CAPN13: variants seen among roughly 807,000 people sequenced by gnomAD.
The protein encoded by CAPN13 is calpain 13, also known as calpain-13.
Under a neutral mutation model 98.4 loss-of-function variants are expected in CAPN13, and 90 were observed. The ratio of observed to expected loss-of-function variants is 0.92; its 90% CI spans 0.77 to 1.09. The LOEUF (loss-of-function observed/expected upper bound fraction) is 1.09. Among genes scored for constraint, CAPN13 ranks in the 50% least tolerant of loss-of-function variants. CAPN13 has a pLI of 0.00. For missense variants in CAPN13, 887 were observed against 841.3 expected (o/e 1.05, Z -0.67); for synonymous variants, 330 against 305.5 (o/e 1.08, Z -0.84).
At chr2:30,745,789 C>T in intron 11 of CAPN13, 55 bp from the exon 12 acceptor site, 4 of 1,526,052 alleles carry the variant, frequency 2.6e-6, no homozygotes, top group South Asian at 2.3e-5. Context: ...AACAAAAAGG[C>T]AAGCAGAACC....
chr2:30,777,516 C>T, intron 3 of CAPN13, 51 bp downstream of exon 3: 4 of 1,485,296 alleles, frequency 2.7e-6, no homozygotes, highest in South Asian at 1.2e-5. Context: ...GTAAGCACCA[C>T]CCTCCACCAC....
intron 11 of CAPN13, among the ~76,000 whole-genome samples, chr2:30,748,404 AC>A (rs1159261512): frequency 6.6e-6 from 1 of 152,218 alleles, no homozygotes; most frequent in African/African-American, 2.4e-5. Context: ...AGGACAGCTC[AC>A]AACGTCGATG....
chr2:30,805,176 G>T (rs1019460119), intron 1 of CAPN13, among the ~76,000 whole-genome samples: 1 of 152,160 alleles, frequency 6.6e-6, no homozygotes, highest in Non-Finnish European at 1.5e-5. Flanking sequence ...CATAGGGCAA[G>T]CTTTGAACAA....
intron 4 of CAPN13, among the ~76,000 whole-genome samples, chr2:30,772,467 C>T (rs546632276): frequency 6.6e-5 from 10 of 152,282 alleles, no homozygotes; most frequent in Admixed American, 2.6e-4. Flanking sequence ...AAGGGCAAAG[C>T]GAGTCCTGCC....
intron 14 of CAPN13, 105 bp downstream of exon 14, chr2:30,742,217 CTCTT>C (rs1317948939): frequency 7.5e-7 from 1 of 1,338,270 alleles, no homozygotes; most frequent in African/African-American, 1.5e-5. Flanking sequence ...CATGGTGTCT[CTCTT>C]TTCATTGGTT....
chr2:30,787,382 T>G, intron 1 of CAPN13, 25 bp from the exon 2 acceptor site: 1 of 1,519,720 alleles, frequency 6.6e-7, no homozygotes, highest in Non-Finnish European at 8.8e-7. Flanking sequence ...AAGGGATACC[T>G]TTGGGGTAAG....
chr2:30,742,376 C>T lies in CAPN13; in HGVS notation c.1446-17G>A. On this transcript the variant is annotated splice_polypyrimidine_tract_variant and intron_variant, in intron 13 of 22. Transcript: ENST00000295055. ...CTCAGGTGCCTAGAAAATCAGAGGA[C>T]AGTGTGACAAAGATGACCAGCTCAC... is the stretch of plus-strand genomic sequence containing the variant. 1.2e-6 allele frequency: 2 copies of T among 1,601,790 alleles called. No homozygotes were observed. The highest frequency in any genetic ancestry group is 1.7e-6 in the Non-Finnish European group (2 of 1,174,090).
At chr2:30,784,889 A>C (rs1342718102) in intron 2 of CAPN13, among the ~76,000 whole-genome samples, 2 of 152,218 alleles carry the variant, frequency 1.3e-5, no homozygotes, top group Non-Finnish European at 2.9e-5. Context: ...CATGTGGTCA[A>C]CACTCTGTGG....
intron 2 of CAPN13, among the ~76,000 whole-genome samples, chr2:30,786,022 C>T (rs938307630): frequency 3.7e-5 from 5 of 133,918 alleles, no homozygotes; most frequent in South Asian, 4.9e-4. Context: ...TCTGCCCCAA[C>T]GTAGGGCAAG....
chr2:30,743,553 C>T lies in CAPN13; in HGVS notation c.1275G>A (p.Val425=), dbSNP rs745391633. 2 of 1,613,934 alleles carry T rather than the reference C, an allele frequency of 1.2e-6. No individual in the cohort carries two copies. The highest frequency in any genetic ancestry group is 1.7e-6 in the Non-Finnish European group (2 of 1,179,866). The change falls in exon 13 of 23, where the codon GTG becomes GTA. Residue 425 remains valine, a synonymous_variant. Transcript: ENST00000295055. ...CAGTGTTTCTGAACGAGGAAAAAAA[C>T]ACGGGTGGAAATTTCTCCCGGAACC... ...SQRFREKFPP[V]FFSSFRNTVQ...
At chr2:30,745,112 T>C (rs1256582994) in intron 12 of CAPN13, 1 of 441,500 alleles carries the variant, frequency 2.3e-6, no homozygotes, top group African/African-American at 2.0e-5. Context: ...CCCAGGCAGA[T>C]GCACCTCCCT....
At chr2:30,724,339 C>A (rs777227195) in intron 22 of CAPN13, among the ~76,000 whole-genome samples, 4 of 152,156 alleles carry the variant, frequency 2.6e-5, no homozygotes, top group Non-Finnish European at 5.9e-5. Flanking sequence ...CAAAGCTCTC[C>A]AGCAGAATTT....
At chr2:30,740,013 G>A (rs1671568608) in intron 15 of CAPN13, among the ~76,000 whole-genome samples, 1 of 151,826 alleles carries the variant, frequency 6.6e-6, no homozygotes, top group African/African-American at 2.4e-5. Context: ...GGCAGACCCT[G>A]GGTTATAGAG....
chr2:30,787,346 C>T lies in CAPN13; in HGVS notation c.-21G>A, dbSNP rs13021213. The T allele has an allele frequency of 0.15, 237,648 of 1,595,298 alleles. 19,546 individuals are homozygous for T. The highest frequency in any genetic ancestry group is 0.32 in the South Asian group (28,391 of 87,640). ...GCCATGACTCTCCTTAGAAGACTTCCGAGGTCCTTTCCTGTTGGTGAGAAA... is the reference window on the plus strand; with the variant it reads ...GCCATGACTCTCCTTAGAAGACTTCTGAGGTCCTTTCCTGTTGGTGAGAAA... On this transcript the variant is annotated 5_prime_UTR_variant, in exon 2 of 23. Transcript: ENST00000295055.
chr2:30,758,393 C>G (rs529078958), intron 7 of CAPN13, among the ~76,000 whole-genome samples: 110 of 152,348 alleles, frequency 7.2e-4, no homozygotes, highest in African/African-American at 2.6e-3. Flanking sequence ...CTTCATCATT[C>G]CCTAAGACTG....
chr2:30,740,102 T>TG (rs1558615160), intron 15 of CAPN13, among the ~76,000 whole-genome samples: 9 of 148,882 alleles, frequency 6.0e-5, no homozygotes, highest in African/African-American at 2.2e-4. Flanking sequence ...TTTTTTTTTT[T>TG]TTTTTTTTTT....
rs183731780 is a variant in CAPN13, at chr2:30,787,337, G to A, written c.-12C>T. 5.6e-3 allele frequency: 9,068 copies of A among 1,605,384 alleles called. 38 individuals are homozygous for A. Among genetic ancestry groups the A allele is most frequent in the Admixed American group, 8.3e-3 (488 of 58,732 alleles). On this transcript the variant is annotated 5_prime_UTR_variant, in exon 2 of 23. Transcript: ENST00000295055. ...TGGTAATACGCCATGACTCTCCTTA[G>A]AAGACTTCCGAGGTCCTTTCCTGTT...
intron 17 of CAPN13, chr2:30,737,251 A>G (rs78306826): frequency 0.044 from 6,704 of 152,400 alleles, 235 homozygotes; most frequent in Non-Finnish European, 0.061. Flanking sequence ...GCCAGCAGAG[A>G]CAGGGCCTGA....
intron 7 of CAPN13, among the ~76,000 whole-genome samples, chr2:30,758,799 C>CCTCCCTCCCTTCCTTCTTTCCCTTT (rs1672614564): frequency 1.1e-5 from 1 of 92,072 alleles, no homozygotes; most frequent in Non-Finnish European, 2.1e-5. Context: ...TCCTTTCCTT[C>CCTCCCTCCCTTCCTTCTTTCCCTTT]CTCCCTCCCT....
Sources: gnomAD v4.1 joint callset for allele counts (sites outside exome capture counted in the v4.1 genomes callset) on GRCh38, gnomAD v4.1.1 for gene constraint, MANE v1.5 for transcripts, NCBI Gene and HGNC (gene_info 2026-07-23, HGNC 2026-07-21) for gene names.